CCSER1: variants seen among roughly 807,000 people sequenced by gnomAD.
CCSER1 encodes the protein coiled-coil serine rich protein 1.
In CCSER1, 41 loss-of-function variants were observed where a neutral mutation model predicts 82.0. That is an observed-to-expected ratio of 0.50 (90% CI 0.39 to 0.65). CCSER1 has a LOEUF of 0.65. CCSER1 is among the 30% of genes least tolerant of loss of function. The pLI is 0.00. For synonymous variants in CCSER1, 414 were observed against 383.9 expected, an observed-to-expected ratio of 1.08 and a Z score of -0.92; for missense variants, 1,119 against 1,064.2, an observed-to-expected ratio of 1.05 and a Z score of -0.72.
At chr4:90,819,304 A>G (rs1205434804) in intron 8 of CCSER1, among the ~76,000 whole-genome samples, 3 of 152,108 alleles carry the variant, frequency 2.0e-5, no homozygotes, top group African/African-American at 7.2e-5. Flanking sequence ...TCCAAATATC[A>G]TCACGCCGGG....
At chr4:90,656,828 A>G (rs570348277) in intron 6 of CCSER1, among the ~76,000 whole-genome samples, 5 of 152,022 alleles carry the variant, frequency 3.3e-5, no homozygotes, top group Admixed American at 3.3e-4. Context: ...AGTGGTTATG[A>G]TAGAGATATC....
At chr4:90,278,406 C>CA (rs113632414) in intron 1 of CCSER1, among the ~76,000 whole-genome samples, 8,594 of 151,944 alleles carry the variant, frequency 0.057, 682 homozygotes, top group African/African-American at 0.18. Context: ...ATTCATAATA[C>CA]AAAAAACATA....
At chr4:90,953,027 C>G (rs1313608114) in intron 9 of CCSER1, among the ~76,000 whole-genome samples, 2 of 151,880 alleles carry the variant, frequency 1.3e-5, no homozygotes, top group Admixed American at 6.6e-5. Flanking sequence ...TTAATATTGT[C>G]CTTATCTTTA....
chr4:91,017,630 T>C (rs180865560), intron 9 of CCSER1, among the ~76,000 whole-genome samples: 78 of 152,216 alleles, frequency 5.1e-4, no homozygotes, highest in East Asian at 7.7e-4. Context: ...ATTTCTTATT[T>C]CCAGGATGTA....
At chr4:91,481,430 G>A (rs181942199) in intron 10 of CCSER1, among the ~76,000 whole-genome samples, 27 of 151,934 alleles carry the variant, frequency 1.8e-4, no homozygotes, top group African/African-American at 4.1e-4. Flanking sequence ...GCCTCTTTTC[G>A]TAAGACACAA....
chr4:90,967,171 G>A (rs538511306), intron 9 of CCSER1, among the ~76,000 whole-genome samples: 1 of 152,024 alleles, frequency 6.6e-6, no homozygotes, highest in Non-Finnish European at 1.5e-5. Flanking sequence ...TTTTGGGCTG[G>A]GTGTGGTGGC....
At chr4:90,210,605 G>C (rs1739798610) in intron 1 of CCSER1, among the ~76,000 whole-genome samples, 1 of 151,816 alleles carries the variant, frequency 6.6e-6, no homozygotes, top group Admixed American at 6.6e-5. Context: ...CACCATACCT[G>C]GTTAATTTTT....
intron 6 of CCSER1, among the ~76,000 whole-genome samples, chr4:90,644,975 G>A (rs1402302694): frequency 2.0e-5 from 3 of 150,812 alleles, no homozygotes; most frequent in South Asian, 2.1e-4. Flanking sequence ...CCAGATACTC[G>A]GGAGGCTAAG....
intron 10 of CCSER1, among the ~76,000 whole-genome samples, chr4:91,234,813 A>T (rs1472151356): frequency 6.6e-6 from 1 of 152,080 alleles, no homozygotes; most frequent in Non-Finnish European, 1.5e-5. Flanking sequence ...CATTTCTTTG[A>T]CTATGCAGTT....
At position 91,599,227 on chromosome 4, in the gene CCSER1, T is replaced by TC. The variant is rs1265088092; in HGVS notation, c.*172dup. Reference sequence around the variant, plus strand: ...AACAAAGACTTGTGGGTTTTTTTTTTCCAAGAGTGAAAGTTTGAGCATGTT... The same window carrying TC: ...AACAAAGACTTGTGGGTTTTTTTTTTCCCAAGAGTGAAAGTTTGAGCATGTT... On this transcript the variant is annotated 3_prime_UTR_variant, in exon 11 of 11. Transcript: ENST00000509176. The TC allele has an allele frequency of 2.6e-5, 21 of 798,590 alleles. No individual in the cohort carries two copies. The highest frequency in any genetic ancestry group is 3.9e-5 in the Non-Finnish European group (21 of 536,566). The allele number at this position is 798,590 out of a possible 1,614,324, so 49.5% of individuals were successfully genotyped here.
At chr4:90,466,516 T>C (rs28866207) in intron 4 of CCSER1, among the ~76,000 whole-genome samples, 465 of 152,342 alleles carry the variant, frequency 3.1e-3, no homozygotes, top group African/African-American at 0.011. Flanking sequence ...CCCAGATTCA[T>C]TGATACCTTG....
intron 10 of CCSER1, among the ~76,000 whole-genome samples, chr4:91,484,456 C>T (rs187378565): frequency 4.9e-4 from 75 of 152,228 alleles, no homozygotes; most frequent in African/African-American, 1.4e-3. Flanking sequence ...ACAAAATCAA[C>T]AAATCAATGA....
At chr4:91,043,034 A>G (rs1742108254) in intron 9 of CCSER1, among the ~76,000 whole-genome samples, 1 of 152,182 alleles carries the variant, frequency 6.6e-6, no homozygotes, top group African/African-American at 2.4e-5. Flanking sequence ...ATAATCATTA[A>G]ATGTGTTTTG....
At chr4:91,419,661 A>C (rs1452181453) in intron 10 of CCSER1, among the ~76,000 whole-genome samples, 1 of 152,032 alleles carries the variant, frequency 6.6e-6, no homozygotes, top group Admixed American at 6.6e-5. Context: ...TGCAATCCTT[A>C]TCAGAATTCC....
chr4:90,490,438 G>A (rs1450449825), intron 5 of CCSER1, among the ~76,000 whole-genome samples: 1 of 152,052 alleles, frequency 6.6e-6, no homozygotes, highest in Admixed American at 6.6e-5. Context: ...TGTGAGATGA[G>A]TAGATTGCAA....
intron 10 of CCSER1, among the ~76,000 whole-genome samples, chr4:91,259,300 T>C (rs1740923793): frequency 6.6e-6 from 1 of 152,174 alleles, no homozygotes; most frequent in Non-Finnish European, 1.5e-5. Context: ...TAACAAAATA[T>C]TTTGTATGAA....
intron 10 of CCSER1, among the ~76,000 whole-genome samples, chr4:91,110,916 G>A (rs1173264660): frequency 6.6e-6 from 1 of 151,516 alleles, no homozygotes; most frequent in Non-Finnish European, 1.5e-5. Context: ...AGTAAAAGTT[G>A]GTAAGTATAT....
intron 10 of CCSER1, among the ~76,000 whole-genome samples, chr4:91,310,306 A>G (rs1420079696): frequency 2.6e-5 from 4 of 151,328 alleles, no homozygotes; most frequent in Non-Finnish European, 5.9e-5. Context: ...CATAATGACA[A>G]TGTCTTCCCT....
At chr4:91,072,479 C>T (rs890413479) in intron 9 of CCSER1, among the ~76,000 whole-genome samples, 5 of 152,032 alleles carry the variant, frequency 3.3e-5, no homozygotes, top group African/African-American at 1.2e-4. Context: ...GTAAAAATGA[C>T]ATGGTTTAGA....
Sources: gnomAD v4.1 joint callset for allele counts (sites outside exome capture counted in the v4.1 genomes callset) on GRCh38, gnomAD v4.1.1 for gene constraint, MANE v1.5 for transcripts, NCBI Gene and HGNC (gene_info 2026-07-23, HGNC 2026-07-21) for gene names.